The following SLIT2 variants were observed in gnomAD, a reference collection of about 807,000 sequenced individuals.
SLIT2 encodes the protein slit guidance ligand 2.
In SLIT2, 41 loss-of-function variants were observed where a neutral mutation model predicts 185.7. That is an observed-to-expected ratio of 0.22 (90% CI 0.17 to 0.29). The LOEUF is 0.29. Among genes scored for constraint, SLIT2 ranks in the 10% least tolerant of loss-of-function variants. The pLI is 1.00. For synonymous variants in SLIT2, 693 were observed against 680.2 expected (o/e 1.02, Z -0.29); for missense variants, 1,571 against 1,909.0 (o/e 0.82, Z 3.30).
chr4:20,486,189 T>C lies in SLIT2; in HGVS notation c.540-11T>C. ...ATCTAAAAATTCTAACTTTTCTTTTTAATTCTACAGCACTCTCAACAATAA... is the reference window on the plus strand; with the variant it reads ...ATCTAAAAATTCTAACTTTTCTTTTCAATTCTACAGCACTCTCAACAATAA... On this transcript the variant is annotated splice_polypyrimidine_tract_variant and intron_variant, in intron 6 of 36. Coordinates refer to ENST00000504154, the MANE Select transcript of SLIT2 (RefSeq NM_004787.4). 1.3e-6 allele frequency: 2 copies of C among 1,561,734 alleles called. No individual in the cohort carries two copies. The highest frequency in any genetic ancestry group is 1.8e-6 in the Non-Finnish European group (2 of 1,134,322).
At chr4:20,404,648 AG>A (rs1295646639) in intron 4 of SLIT2, among the ~76,000 whole-genome samples, 1 of 152,054 alleles carries the variant, frequency 6.6e-6, no homozygotes, top group Non-Finnish European at 1.5e-5. Flanking sequence ...TGAATGAACA[AG>A]GGGAAATCTT....
intron 4 of SLIT2, among the ~76,000 whole-genome samples, chr4:20,452,339 G>A (rs1712563503): frequency 6.6e-6 from 1 of 152,122 alleles, no homozygotes; most frequent in South Asian, 2.1e-4. Flanking sequence ...TCTGTGTGTT[G>A]GAGAATCGAT....
At chr4:20,312,174 G>T (rs929666275) in intron 4 of SLIT2, among the ~76,000 whole-genome samples, 3 of 152,202 alleles carry the variant, frequency 2.0e-5, no homozygotes, top group East Asian at 1.9e-4. Flanking sequence ...CAGATATCAG[G>T]TTTCCACTAA....
At chr4:20,550,804 A>C in intron 24 of SLIT2, 23 bp from the exon 25 acceptor site, 1 of 1,520,142 alleles carries the variant, frequency 6.6e-7, no homozygotes. Flanking sequence ...AGGAAGTTTA[A>C]TTTTTCTTTT....
At chr4:20,518,222 CA>C (rs1400314550) in intron 11 of SLIT2, among the ~76,000 whole-genome samples, 1 of 113,558 alleles carries the variant, frequency 8.8e-6, no homozygotes, top group Non-Finnish European at 1.8e-5. Flanking sequence ...TATATATATA[CA>C]TATATATGTG....
At chr4:20,342,384 T>G (rs1035299949) in intron 4 of SLIT2, among the ~76,000 whole-genome samples, 3 of 152,152 alleles carry the variant, frequency 2.0e-5, no homozygotes, top group African/African-American at 7.2e-5. Flanking sequence ...TGTTGTTTAT[T>G]TGAGTGTTGA....
At chr4:20,412,822 T>G (rs1727364071) in intron 4 of SLIT2, among the ~76,000 whole-genome samples, 1 of 152,068 alleles carries the variant, frequency 6.6e-6, no homozygotes, top group South Asian at 2.1e-4. Flanking sequence ...TTAGCAATCA[T>G]TATTAAAAGA....
At chr4:20,362,327 G>A (rs56058527) in intron 4 of SLIT2, among the ~76,000 whole-genome samples, 6 of 152,206 alleles carry the variant, frequency 3.9e-5, no homozygotes, top group Middle Eastern at 3.4e-3. Context: ...TAACAGGAAC[G>A]CAGAGCAGCA....
chr4:20,467,731 T>G, intron 4 of SLIT2, 21 bp from the exon 5 acceptor site: 1 of 1,493,564 alleles, frequency 6.7e-7, no homozygotes, highest in Non-Finnish European at 9.3e-7. Context: ...ACGTGATCCT[T>G]TTTGTTGTTG....
chr4:20,539,168 A>T (rs1722579704), intron 18 of SLIT2, among the ~76,000 whole-genome samples: 1 of 152,232 alleles, frequency 6.6e-6, no homozygotes, highest in Non-Finnish European at 1.5e-5. Context: ...GTAGCATCAA[A>T]GGAAAACATT....
intron 29 of SLIT2, among the ~76,000 whole-genome samples, chr4:20,575,857 T>A (rs1274290907): frequency 1.3e-5 from 2 of 151,938 alleles, no homozygotes; most frequent in Non-Finnish European, 2.9e-5. Flanking sequence ...CCCCGAGAAC[T>A]AGGCTACCTT....
chr4:20,336,194 C>A (rs1049083603), intron 4 of SLIT2, among the ~76,000 whole-genome samples: 1 of 152,168 alleles, frequency 6.6e-6, no homozygotes, highest in Non-Finnish European at 1.5e-5. Context: ...CCAGGAGAAG[C>A]CTCCCCAAAT....
At chr4:20,461,880 C>A (rs1313653743) in intron 4 of SLIT2, among the ~76,000 whole-genome samples, 1 of 152,140 alleles carries the variant, frequency 6.6e-6, no homozygotes, top group African/African-American at 2.4e-5. Flanking sequence ...AATCATAAGT[C>A]AAAGCAGGGA....
chr4:20,292,315 G>A (rs971794534), intron 4 of SLIT2, among the ~76,000 whole-genome samples: 1 of 152,150 alleles, frequency 6.6e-6, no homozygotes, highest in Non-Finnish European at 1.5e-5. Context: ...TACTCAACGT[G>A]TGACTATTTA....
chr4:20,309,832 T>C (rs1286156908), intron 4 of SLIT2, among the ~76,000 whole-genome samples: 1 of 145,998 alleles, frequency 6.8e-6, no homozygotes, highest in African/African-American at 2.5e-5. Context: ...TTATCTCGGC[T>C]CACTGCAAGC....
At chr4:20,327,533 C>A (rs1024784928) in intron 4 of SLIT2, among the ~76,000 whole-genome samples, 1 of 151,886 alleles carries the variant, frequency 6.6e-6, no homozygotes, top group African/African-American at 2.4e-5. Context: ...TTTCTTCCTT[C>A]TTTTAATAAT....
intron 4 of SLIT2, among the ~76,000 whole-genome samples, chr4:20,277,832 A>G (rs1262484667): frequency 6.6e-6 from 1 of 151,040 alleles, no homozygotes; most frequent in Non-Finnish European, 1.5e-5. Context: ...ACTCAGATTC[A>G]CTTAATTAGA....
intron 26 of SLIT2, among the ~76,000 whole-genome samples, chr4:20,559,685 C>T (rs529004468): frequency 1.3e-5 from 2 of 151,916 alleles, no homozygotes; most frequent in African/African-American, 4.8e-5. Context: ...ATCATTTCCC[C>T]ATTTGAGATA....
chr4:20,571,659 G>A (rs1398158924), intron 29 of SLIT2, among the ~76,000 whole-genome samples: 1 of 152,166 alleles, frequency 6.6e-6, no homozygotes. Context: ...TTTGGAATCT[G>A]ATTAATGAGC....
Sources: allele counts gnomAD v4.1 joint callset (sites outside exome capture counted in the v4.1 genomes callset), GRCh38; gene constraint gnomAD v4.1.1; transcripts MANE v1.5; gene names NCBI Gene and HGNC (gene_info 2026-07-23, HGNC 2026-07-21).